Variants in RPH3A observed in about 807,000 individuals in gnomAD.
The protein encoded by RPH3A is rabphilin 3A, also known as rabphilin-3A.
A neutral mutation model predicts 102.2 loss-of-function variants in RPH3A; 48 were observed. The ratio of observed to expected loss-of-function variants is 0.47; its 90% CI spans 0.37 to 0.60. The LOEUF is 0.60. Among genes scored for constraint, RPH3A ranks in the 20% least tolerant of loss-of-function variants. The pLI is 0.00. For missense variants in RPH3A, 781 were observed against 910.1 expected (o/e 0.86, Z 1.83); for synonymous variants, 310 against 324.3 (o/e 0.96, Z 0.47).
intron 1 of RPH3A, among the ~76,000 whole-genome samples, chr12:112,740,959 G>A (rs1339017888): frequency 3.3e-5 from 5 of 152,066 alleles, no homozygotes; most frequent in Non-Finnish European, 7.4e-5. Context: ...GATATACCTG[G>A]GAATCTCAGA....
chr12:112,889,957 G>A (rs543550108), intron 17 of RPH3A, 67 bp from the exon 18 acceptor site: 2 of 1,455,050 alleles, frequency 1.4e-6, no homozygotes, highest in Admixed American at 3.4e-5. Flanking sequence ...GGGGTTTCTG[G>A]TCCTTCTTGC....
chr12:112,717,663 G>A (rs1251921114), intron 1 of RPH3A, among the ~76,000 whole-genome samples: 2 of 150,674 alleles, frequency 1.3e-5, no homozygotes, highest in African/African-American at 4.9e-5. Flanking sequence ...TCCAGTTTGG[G>A]GTAACTGTAA....
At chr12:112,869,366 A>G (rs1256775369) in intron 8 of RPH3A, 1 of 184,584 alleles carries the variant, frequency 5.4e-6, no homozygotes, top group East Asian at 1.5e-4. Context: ...CCTAAGAGGC[A>G]TTCAACAAAT....
upstream of RPH3A, among the ~76,000 whole-genome samples, chr12:112,790,378 T>A (rs529165173): frequency 6.6e-6 from 1 of 152,266 alleles, no homozygotes; most frequent in Non-Finnish European, 1.5e-5. Context: ...CTTTAAAAAA[T>A]TGTTTTTTAA....
intron 13 of RPH3A, 118 bp downstream of exon 13, chr12:112,876,984 C>G: frequency 3.3e-6 from 2 of 597,290 alleles, no homozygotes; most frequent in Non-Finnish European, 5.5e-6. Context: ...TATACCAGAC[C>G]TAATAAACAT....
chr12:112,778,395 A>G (rs891096240), intron 1 of RPH3A, among the ~76,000 whole-genome samples: 74 of 152,268 alleles, frequency 4.9e-4, no homozygotes, highest in African/African-American at 1.8e-3. Flanking sequence ...AAAAGAATCC[A>G]TTTTGCCCAT....
rs547855362 is a variant in RPH3A, at chr12:112,883,184, C to T, written c.1327-109C>T. 15 of 749,060 alleles carry T rather than the reference C, an allele frequency of 2.0e-5. No individual in the cohort carries two copies. In the South Asian group the frequency reaches 2.2e-4, roughly 11 times the overall value. The allele number at this position is 749,060 out of a possible 1,614,324, so 46.4% of individuals were successfully genotyped here. The stretch of plus-strand genomic sequence containing the variant: ...TTGGGAATAACTAAGCCCCTGGACA[C>T]TCCTATGGGGAAAGCCACCCACCCA... On this transcript the variant is annotated intron_variant, in intron 15 of 21. Coordinates refer to ENST00000389385, the MANE Select transcript of RPH3A (RefSeq NM_001143854.2).
chr12:112,752,968 CTTTTTT>C (rs3037266), intron 1 of RPH3A, among the ~76,000 whole-genome samples: 1 of 118,930 alleles, frequency 8.4e-6, no homozygotes. Flanking sequence ...GTCCAGTTTT[CTTTTTT>C]TTTTTTTTTT....
At chr12:112,702,223 A>G (rs987104167) in intron 1 of RPH3A, among the ~76,000 whole-genome samples, 1 of 152,246 alleles carries the variant, frequency 6.6e-6, no homozygotes, top group Non-Finnish European at 1.5e-5. Context: ...AAAATATTCC[A>G]GGAAACTAAC....
At chr12:112,695,574 C>G (rs2040344403) in intron 1 of RPH3A, among the ~76,000 whole-genome samples, 1 of 152,188 alleles carries the variant, frequency 6.6e-6, no homozygotes, top group South Asian at 2.1e-4. Context: ...ACCAGCCTGA[C>G]TTTGTTGCTT....
Position 112,661,105 on chromosome 12 carries a change from C to T in RPH3A, c.-140+85786C>T, listed in dbSNP as rs530580606. Among the ~76,000 whole-genome samples the T allele has an allele frequency of 7.2e-5, 11 of 152,140 alleles. No individual in the cohort carries two copies. In the South Asian group the frequency reaches 2.1e-3, roughly 29 times the overall value. On this transcript the variant is annotated intron_variant, in intron 1 of 21. Transcript: ENST00000543106. The stretch of plus-strand genomic sequence containing the variant: ...TCAGAGGGTTCGTGTGAAGAGGCAA[C>T]GTGATTATGTATGGAATGCGTCATC...
At chr12:112,615,355 G>C (rs562641349) in intron 1 of RPH3A, among the ~76,000 whole-genome samples, 72 of 152,240 alleles carry the variant, frequency 4.7e-4, no homozygotes, top group African/African-American at 1.7e-3. Context: ...GGGGCCTCCA[G>C]TGATTGTTCC....
chr12:112,819,253 G>C (rs2041735177), intron 2 of RPH3A, among the ~76,000 whole-genome samples: 1 of 151,938 alleles, frequency 6.6e-6, no homozygotes, highest in South Asian at 2.1e-4. Flanking sequence ...TTACAGGCAT[G>C]CACCACCATG....
chr12:112,670,546 A>G (rs1449001432), intron 1 of RPH3A, among the ~76,000 whole-genome samples: 1 of 152,202 alleles, frequency 6.6e-6, no homozygotes, highest in African/African-American at 2.4e-5. Flanking sequence ...TCTTAAGACA[A>G]CAACCATTTA....
At chr12:112,823,812 T>C (rs1034476760) in intron 2 of RPH3A, among the ~76,000 whole-genome samples, 2 of 152,222 alleles carry the variant, frequency 1.3e-5, no homozygotes, top group Non-Finnish European at 2.9e-5. Flanking sequence ...CCACTAGACT[T>C]TCTCCATTTC....
At chr12:112,733,636 T>C (rs898871047) in intron 1 of RPH3A, among the ~76,000 whole-genome samples, 2 of 152,024 alleles carry the variant, frequency 1.3e-5, no homozygotes, top group East Asian at 3.9e-4. Flanking sequence ...GAAGAGAAGG[T>C]GTCTTGGTTC....
chr12:112,633,981 G>A (rs908026584), intron 1 of RPH3A, among the ~76,000 whole-genome samples: 6 of 152,192 alleles, frequency 3.9e-5, no homozygotes, highest in Non-Finnish European at 8.8e-5. Flanking sequence ...AAGATGGGAA[G>A]CAAACACTAT....
chr12:112,801,854 G>A (rs774868417), intron 2 of RPH3A, among the ~76,000 whole-genome samples: 7 of 151,916 alleles, frequency 4.6e-5, no homozygotes, highest in Non-Finnish European at 1.0e-4. Context: ...TCTATTGCTT[G>A]TATATGTCCC....
At chr12:112,655,563 CTTT>C (rs71086113) in intron 1 of RPH3A, among the ~76,000 whole-genome samples, 3 of 55,570 alleles carry the variant, frequency 5.4e-5, no homozygotes, top group Admixed American at 2.5e-4. Flanking sequence ...TTTTGTTGGT[CTTT>C]TTTTTTTTTT....
Sources: allele counts gnomAD v4.1 joint callset (sites outside exome capture counted in the v4.1 genomes callset), GRCh38; gene constraint gnomAD v4.1.1; transcripts MANE v1.5; gene names NCBI Gene and HGNC (gene_info 2026-07-23, HGNC 2026-07-21).